The following DNAH8 variants were observed in gnomAD, a reference collection of about 807,000 sequenced individuals.
DNAH8 encodes the protein dynein axonemal heavy chain 8.
Under a neutral mutation model 562.1 loss-of-function variants are expected in DNAH8, and 382 were observed. The observed-to-expected ratio is 0.68, with a 90% CI of 0.63 to 0.74. The LOEUF is 0.74. DNAH8 is among the 30% of genes least tolerant of loss of function. The pLI is 0.00. For missense variants in DNAH8, 5,203 were observed against 5,620.4 expected (o/e 0.93, Z 2.37); for synonymous variants, 1,881 against 1,919.4 (o/e 0.98, Z 0.52).
intron 11 of DNAH8, chr6:38,763,520 A>T: frequency 4.7e-6 from 1 of 213,702 alleles, no homozygotes; most frequent in South Asian, 7.8e-5. Flanking sequence ...AATTCAAAGA[A>T]CAGAAAGCCA....
rs764274574 is a variant in DNAH8 at position 38,775,951 on chromosome 6, GGTAA to G, written c.1962+5_1962+8del. ...TCATGACAAAAATCAATGGTTTAGA[GGTAA>G]GTAATTATACCTACTTTTACTTAGT... On this transcript the variant is annotated splice_donor_variant and splice_donor_region_variant and intron_variant, in intron 13 of 92. Transcript: ENST00000327475. LOFTEE classifies it high-confidence loss of function. 1.3e-6 allele frequency: 2 copies of G among 1,598,492 alleles called. No homozygotes were observed. The highest frequency in any genetic ancestry group is 2.2e-5 in the South Asian group (2 of 90,512).
At chr6:38,928,331 A>C (rs1416419303) in intron 74 of DNAH8, among the ~76,000 whole-genome samples, 1 of 152,226 alleles carries the variant, frequency 6.6e-6, no homozygotes, top group Non-Finnish European at 1.5e-5. Flanking sequence ...GAAAGATATC[A>C]CAAAAATAGA....
intron 79 of DNAH8, among the ~76,000 whole-genome samples, chr6:38,943,708 G>A (rs1783634059): frequency 6.6e-6 from 1 of 152,082 alleles, no homozygotes; most frequent in East Asian, 1.9e-4. Flanking sequence ...GACACCTTAG[G>A]GGGTCTTTTC....
intron 33 of DNAH8, among the ~76,000 whole-genome samples, chr6:38,839,851 G>A (rs909076967): frequency 2.6e-5 from 4 of 152,140 alleles, no homozygotes; most frequent in Admixed American, 6.5e-5. Flanking sequence ...TAGTAGAGAC[G>A]GGGTTTCATC....
Position 38,883,442 on chromosome 6 carries a change from C to A in DNAH8, c.8122C>A (p.Pro2708Thr), listed in dbSNP as rs1778666048. Residue 2708 changes from proline to threonine, a missense_variant, in exon 55 of 93, where the codon CCA (proline) becomes ACA (threonine). Around this residue, in one of 6 missense-constraint regions of DNAH8, gnomAD observed 977 missense variants for 1,061.8 expected, o/e 0.92. Transcript: ENST00000327475. ...KSLNFSSATEPMMFQRTIESY... is the reference protein window; with the variant it reads ...KSLNFSSATETMMFQRTIESY... ...TCTAAACTTTTCATCTGCCACAGAA[C>A]CAATGATGTTTCAGGTGAAATCCAT... 6.2e-7 allele frequency: 1 copy of A among 1,608,894 alleles called. No individual in the cohort carries two copies. The highest frequency in any genetic ancestry group is 1.1e-5 in the South Asian group (1 of 89,582).
At chr6:38,923,627 TAAAA>T (rs753672143) in intron 72 of DNAH8, 1 of 181,046 alleles carries the variant, frequency 5.5e-6, no homozygotes, top group African/African-American at 2.4e-5. Context: ...AAAATAAAAA[TAAAA>T]AAATAAAAAA....
intron 85 of DNAH8, among the ~76,000 whole-genome samples, chr6:38,976,070 G>A (rs547450141): frequency 2.0e-5 from 3 of 152,332 alleles, no homozygotes; most frequent in Non-Finnish European, 4.4e-5. Flanking sequence ...CTGCTAGGGC[G>A]GTGAAGTTAC....
At chr6:38,935,266 G>A (rs1782858970) in intron 76 of DNAH8, among the ~76,000 whole-genome samples, 1 of 152,174 alleles carries the variant, frequency 6.6e-6, no homozygotes, top group African/African-American at 2.4e-5. Flanking sequence ...TGGGAACAGG[G>A]CCAAGAGAAT....
At chr6:38,926,312 A>G in intron 74 of DNAH8, 102 bp downstream of exon 74, 6 of 1,273,198 alleles carry the variant, frequency 4.7e-6, no homozygotes, top group Non-Finnish European at 6.5e-6. Flanking sequence ...TCCATGACAA[A>G]TGTTTGCTAA....
intron 41 of DNAH8, among the ~76,000 whole-genome samples, chr6:38,854,307 G>T (rs1042793611): frequency 2.0e-5 from 3 of 152,154 alleles, no homozygotes; most frequent in Non-Finnish European, 2.9e-5. Flanking sequence ...GAAAAGTGAT[G>T]ATTTGTGATC....
chr6:38,961,164 A>G (rs1762581809), intron 82 of DNAH8, among the ~76,000 whole-genome samples: 1 of 152,008 alleles, frequency 6.6e-6, no homozygotes, highest in Non-Finnish European at 1.5e-5. Context: ...AATAGTGGCT[A>G]CCAGAAACTG....
chr6:39,011,225 C>T (rs545751373), intron 89 of DNAH8, among the ~76,000 whole-genome samples: 1 of 152,156 alleles, frequency 6.6e-6, no homozygotes, highest in Non-Finnish European at 1.5e-5. Context: ...ATACTAGAGG[C>T]CTGTCCTATA....
At position 38,886,989 on chromosome 6, in the gene DNAH8, A is replaced by G. The variant is rs1470082497; in HGVS notation, c.8458A>G (p.Ile2820Val). Reference sequence around the variant, plus strand: ...TTGTACATTGCCTTCAAATGCTTCAATAGACAAAATTTTTGGTATGAATAT... The same window carrying G: ...TTGTACATTGCCTTCAAATGCTTCAGTAGACAAAATTTTTGGTATGAATAT... The part of the protein sequence containing the change: ...FNCTLPSNAS[I>V]DKIFGIIGCG... The change falls in exon 57 of 93, where the codon ATA becomes GTA. Residue 2820 changes from isoleucine to valine, a missense_variant. Ile to Val is a conservative substitution (Grantham distance 29, BLOSUM62 3). Transcript: ENST00000327475. The G allele has an allele frequency of 1.2e-6, 2 of 1,608,720 alleles. No homozygotes were observed. The highest frequency in any genetic ancestry group is 2.2e-5 in the East Asian group (1 of 44,806).
At chr6:38,909,834 T>C (rs1345126966) in intron 65 of DNAH8, 90 bp downstream of exon 65, 23 of 1,028,326 alleles carry the variant, frequency 2.2e-5, no homozygotes, top group Non-Finnish European at 3.1e-5. Context: ...GAAGACTCTT[T>C]CTATTCATTG....
At chr6:38,827,067 C>G (rs1269661262) in intron 29 of DNAH8, among the ~76,000 whole-genome samples, 1 of 152,122 alleles carries the variant, frequency 6.6e-6, no homozygotes, top group African/African-American at 2.4e-5. Context: ...CTTTTTCTAG[C>G]TTCTAGGGGC....
At chr6:38,774,744 G>A (rs1174563395) in intron 12 of DNAH8, among the ~76,000 whole-genome samples, 1 of 152,198 alleles carries the variant, frequency 6.6e-6, no homozygotes, top group African/African-American at 2.4e-5. Flanking sequence ...GTAGTAGTTT[G>A]CTTTTGCTCT....
At chr6:38,734,719 T>C in intron 5 of DNAH8, 94 bp downstream of exon 5, 2 of 1,346,118 alleles carry the variant, frequency 1.5e-6, no homozygotes, top group South Asian at 3.0e-5. Flanking sequence ...TTTTTAAATA[T>C]AGGACTGAAT....
chr6:38,931,586 G>A (rs1286393528), intron 75 of DNAH8, among the ~76,000 whole-genome samples: 1 of 151,992 alleles, frequency 6.6e-6, no homozygotes, highest in Admixed American at 6.6e-5. Context: ...CATTTGATTT[G>A]CTTGGTATCA....
At chr6:39,015,922 G>T (rs4714207) in intron 91 of DNAH8, among the ~76,000 whole-genome samples, 1 of 152,042 alleles carries the variant, frequency 6.6e-6, no homozygotes, top group Non-Finnish European at 1.5e-5. Context: ...TCTGTTAGTC[G>T]CACAGAAGAC....
Sources: allele counts gnomAD v4.1 joint callset (sites outside exome capture counted in the v4.1 genomes callset), GRCh38; gene constraint gnomAD v4.1.1; regional missense constraint gnomAD v4.1.1; transcripts MANE v1.5; gene names NCBI Gene and HGNC (gene_info 2026-07-23, HGNC 2026-07-21).